PCDHGA2: variants seen among roughly 807,000 people sequenced by gnomAD.
The protein encoded by PCDHGA2 is protocadherin gamma subfamily A, 2.
Under a neutral mutation model 59.2 loss-of-function variants are expected in PCDHGA2, and 40 were observed. The observed-to-expected ratio is 0.68, with a 90% CI of 0.52 to 0.88. The LOEUF (loss-of-function observed/expected upper bound fraction) is 0.88. PCDHGA2 is among the 40% of genes least tolerant of loss of function. The pLI is 0.00. For missense variants in PCDHGA2, 1,226 were observed against 1,204.0 expected (o/e 1.02, Z -0.27); for synonymous variants, 560 against 526.0 (o/e 1.06, Z -0.89).
intron 1 of PCDHGA2, chr5:141,364,348 G>A: frequency 6.5e-7 from 1 of 1,544,604 alleles, no homozygotes; most frequent in Non-Finnish European, 8.7e-7. Context: ...GTCCACCTAG[G>A]GGCTGGGGCT....
chr5:141,391,523 A>T (rs2092383458), intron 1 of PCDHGA2: 1 of 152,140 alleles, frequency 6.6e-6, no homozygotes, highest in Non-Finnish European at 1.5e-5. Context: ...CACTAATTTA[A>T]CTGGTATGGT....
At chr5:141,419,023 A>T (rs768427376) in intron 1 of PCDHGA2, 2 of 1,613,958 alleles carry the variant, frequency 1.2e-6, no homozygotes, top group Non-Finnish European at 1.7e-6. Flanking sequence ...GCTTAAGTAG[A>T]GGTGTTCCAT....
At chr5:141,383,550 C>T (rs1475330366) in intron 1 of PCDHGA2, 3 of 1,611,980 alleles carry the variant, frequency 1.9e-6, no homozygotes, top group Non-Finnish European at 1.7e-6. Flanking sequence ...CCTCTGATGG[C>T]GGCGACCCGC....
Position 141,477,966 on chromosome 5 carries a change from G to A in PCDHGA2, c.2425-16841G>A, listed in dbSNP as rs2099426792. 6.2e-7 allele frequency: 1 copy of A among 1,614,118 alleles called. No individual in the cohort carries two copies. The highest frequency in any genetic ancestry group is 8.5e-7 in the Non-Finnish European group (1 of 1,180,036). ...AGTCTCTTGGGATCCCCTAACCAGAGCCTTTTTGCCATAGGGCTGCACACT... is the reference window on the plus strand; with the variant it reads ...AGTCTCTTGGGATCCCCTAACCAGAACCTTTTTGCCATAGGGCTGCACACT... On this transcript the variant is annotated intron_variant, in intron 1 of 3. Transcript: ENST00000394576. This position sits in a 1 kb window ranked among gnomAD's most constrained non-coding sequence, Gnocchi z 4.9.
In PCDHGA2 at chr5:141,340,239, C is replaced by T. The variant is rs1367784077; in HGVS notation, c.1268C>T (p.Thr423Ile). Residue 423 changes from threonine (T) to isoleucine (I), a missense_variant, in exon 1 of 4, where the codon ACC becomes ATC. Coordinates refer to ENST00000394576, the MANE Select transcript of PCDHGA2 (RefSeq NM_018915.4). ...TTTTCCTTTTACAACATCACTCTAA[C>T]CGCTAAAGATGGAGGGAACCCCTCC... ...EQFSFYNITL[T>I]AKDGGNPSLS... The T allele has an allele frequency of 3.7e-6, 6 of 1,614,202 alleles. No homozygotes were observed. Among genetic ancestry groups the T allele is most frequent in the Middle Eastern group, 3.3e-4 (2 of 6,062 alleles).
intron 1 of PCDHGA2, among the ~76,000 whole-genome samples, chr5:141,353,062 T>C (rs1005254102): frequency 6.6e-6 from 1 of 152,162 alleles, no homozygotes; most frequent in Non-Finnish European, 1.5e-5. Flanking sequence ...TTTCTTTCAT[T>C]GTTCTAGTGA....
chr5:141,375,640 C>T (rs1375647493), intron 1 of PCDHGA2: 1 of 1,614,226 alleles, frequency 6.2e-7, no homozygotes, highest in Non-Finnish European at 8.5e-7. Flanking sequence ...CCCTGCGCTC[C>T]TTCGACTATG....
At chr5:141,408,557 G>A in intron 1 of PCDHGA2, 6 of 1,614,046 alleles carry the variant, frequency 3.7e-6, no homozygotes, top group Non-Finnish European at 5.1e-6. Flanking sequence ...TATTTTTCAT[G>A]TCATTGTGGT....
intron 1 of PCDHGA2, chr5:141,372,709 C>A (rs751651788): frequency 6.2e-7 from 1 of 1,613,966 alleles, no homozygotes; most frequent in South Asian, 1.1e-5. Flanking sequence ...AATATAAAGG[C>A]TGAAAATGCT....
rs201006002 is a variant in PCDHGA2, at chr5:141,432,497, C to T, written c.2425-62310C>T. 7 of 1,614,062 alleles carry T rather than the reference C, an allele frequency of 4.3e-6. 1 individual carries two copies. In the South Asian group the frequency reaches 6.6e-5, roughly 15 times the overall value. On this transcript the variant is annotated intron_variant, in intron 1 of 3. Transcript: ENST00000394576. This position sits in a 1 kb window ranked among gnomAD's most constrained non-coding sequence, Gnocchi z 6.0. Reference sequence around the variant, plus strand: ...TTCCACTGGCGTGGAGCTGGCTCCCCGCTCCGCAGAGCCCGGCTACCTGGT... The same window carrying T: ...TTCCACTGGCGTGGAGCTGGCTCCCTGCTCCGCAGAGCCCGGCTACCTGGT...
intron 1 of PCDHGA2, chr5:141,394,165 C>G (rs1228690548): frequency 6.2e-7 from 1 of 1,613,930 alleles, no homozygotes; most frequent in African/African-American, 1.3e-5. Flanking sequence ...AACCCTCCTA[C>G]TTTCCCTCAT....
intron 1 of PCDHGA2, chr5:141,352,609 G>T: frequency 1.2e-6 from 2 of 1,613,458 alleles, no homozygotes; most frequent in Non-Finnish European, 1.7e-6. Context: ...ATCCTTCTAT[G>T]GTTGTATGTG....
rs1030573273 is a variant in PCDHGA2, at chr5:141,373,834, G to T, written c.2424+32439G>T. On this transcript the variant is annotated intron_variant, in intron 1 of 3. Coordinates refer to ENST00000394576, the MANE Select transcript of PCDHGA2 (RefSeq NM_018915.4). Reference sequence around the variant, plus strand: ...GTTTCACAAAACGATGCAGTATTAAGTTAGGACTCTAAGCGTCGCTGTTGA... The same window carrying T: ...GTTTCACAAAACGATGCAGTATTAATTTAGGACTCTAAGCGTCGCTGTTGA... The T allele has an allele frequency of 1.2e-5, 5 of 424,566 alleles. No individual in the cohort carries two copies. In the East Asian group the frequency reaches 1.8e-4, roughly 15 times the overall value. The allele number at this position is 424,566 out of a possible 1,614,324, so 26.3% of individuals were successfully genotyped here. A position where few individuals can be genotyped will look rare whatever the true frequency, so the allele number is the denominator to read the frequency against.
At chr5:141,399,192 C>T (rs1561668217) in intron 1 of PCDHGA2, 1 of 1,613,846 alleles carries the variant, frequency 6.2e-7, no homozygotes, top group Non-Finnish European at 8.5e-7. Flanking sequence ...TTCTGGAAAA[C>T]GCGGTGCCTG....
chr5:141,365,467 T>C (rs761340226), intron 1 of PCDHGA2: 6 of 1,613,974 alleles, frequency 3.7e-6, no homozygotes, highest in Non-Finnish European at 4.2e-6. Flanking sequence ...CTGGAGAAAA[T>C]GGTGAGATTG....
chr5:141,349,171 G>C (rs1007619179), intron 1 of PCDHGA2, among the ~76,000 whole-genome samples: 1 of 152,186 alleles, frequency 6.6e-6, no homozygotes, highest in African/African-American at 2.4e-5. Flanking sequence ...CCTGAGTTAA[G>C]TGATTCTGCT....
chr5:141,400,499 G>A (rs1258690272), intron 1 of PCDHGA2: 8 of 1,613,910 alleles, frequency 5.0e-6, no homozygotes, highest in Non-Finnish European at 6.8e-6. Context: ...TGTAATTCCA[G>A]CGAGTCGACT....
rs1756783930 is a variant in PCDHGA2 at position 141,338,856 on chromosome 5, T to G, written c.-116T>G. 7.0e-7 allele frequency: 1 copy of G among 1,426,174 alleles called. No homozygotes were observed. The highest frequency in any genetic ancestry group is 9.2e-7 in the Non-Finnish European group (1 of 1,092,118). 88.3% of individuals were successfully genotyped at this position (1,426,174 alleles called of 1,614,324 possible). The stretch of plus-strand genomic sequence containing the variant: ...ATTCAGTCGAACAGCCCACCAGTTC[T>G]CTCCATAGGGACCTGGGTCCCGTGA... On this transcript the variant is annotated 5_prime_UTR_variant, in exon 1 of 4. Transcript: ENST00000394576.
intron 1 of PCDHGA2, among the ~76,000 whole-genome samples, chr5:141,457,873 G>C (rs967389295): frequency 2.0e-5 from 3 of 152,200 alleles, no homozygotes; most frequent in Non-Finnish European, 4.4e-5. Context: ...CCACAGGTTA[G>C]GAACCCTGTG....
Sources: allele counts gnomAD v4.1 joint callset (sites outside exome capture counted in the v4.1 genomes callset), GRCh38; gene constraint gnomAD v4.1.1; non-coding constraint Gnocchi (gnomAD v3.1); transcripts MANE v1.5; gene names NCBI Gene and HGNC (gene_info 2026-07-23, HGNC 2026-07-21).